Variants in PLEKHA5 observed in about 807,000 individuals in gnomAD.
PLEKHA5 encodes pleckstrin homology domain-containing family A member 5.
A neutral mutation model predicts 181.9 loss-of-function variants in PLEKHA5; 55 were observed. The ratio of observed to expected loss-of-function variants is 0.30; its 90% CI spans 0.24 to 0.38. The LOEUF is 0.38. Among genes scored for constraint, PLEKHA5 ranks in the 10% least tolerant of loss-of-function variants. The probability of loss-of-function intolerance (pLI) is 1.00; values close to 1 mark genes in which losing one functional copy is unlikely to be tolerated. For synonymous variants in PLEKHA5, 535 were observed against 529.4 expected (o/e 1.01, Z -0.15); for missense variants, 1,432 against 1,549.5 (o/e 0.92, Z 1.27).
chr12:19,147,581 T>C (rs2039239264), intron 3 of PLEKHA5, among the ~76,000 whole-genome samples: 1 of 137,936 alleles, frequency 7.2e-6, no homozygotes, highest in African/African-American at 2.7e-5. Flanking sequence ...AAAGATATTT[T>C]GTAGTTTCTT....
At chr12:19,329,463 G>T (rs1455914660) in intron 20 of PLEKHA5, among the ~76,000 whole-genome samples, 13 of 152,032 alleles carry the variant, frequency 8.6e-5, no homozygotes, top group African/African-American at 2.4e-4. Context: ...CATCTGATCC[G>T]TGCCTTTTTT....
intron 3 of PLEKHA5, among the ~76,000 whole-genome samples, chr12:19,197,671 C>T (rs1400146793): frequency 2.5e-5 from 3 of 120,864 alleles, no homozygotes; most frequent in Admixed American, 8.8e-5. Context: ...AGAGTCTATC[C>T]GGTGCTGTGT....
At chr12:19,340,496 T>G in intron 21 of PLEKHA5, among the ~76,000 whole-genome samples, 1 of 145,826 alleles carries the variant, frequency 6.9e-6, no homozygotes, top group Non-Finnish European at 1.5e-5. Flanking sequence ...CAATGGCGGT[T>G]TTGTGGAATA....
At chr12:19,352,985 A>C (rs2094691378) in intron 25 of PLEKHA5, among the ~76,000 whole-genome samples, 1 of 142,954 alleles carries the variant, frequency 7.0e-6, no homozygotes, top group Non-Finnish European at 1.5e-5. Context: ...ACAGGGTCTC[A>C]CTATATTACC....
chr12:19,200,575 C>A, intron 3 of PLEKHA5: 1 of 1,222,516 alleles, frequency 8.2e-7, no homozygotes, highest in Non-Finnish European at 1.0e-6. Context: ...GTAGATCATA[C>A]CTTGGAGAAG....
chr12:19,297,908 A>G (rs1443970366), intron 15 of PLEKHA5, among the ~76,000 whole-genome samples: 1 of 152,038 alleles, frequency 6.6e-6, no homozygotes, highest in Non-Finnish European at 1.5e-5. Context: ...GGAGGAGGGT[A>G]AGAAAATCTT....
rs765630231 is a variant in PLEKHA5, at chr12:19,297,323, TA to T, written c.2037+5639del. Among the ~76,000 whole-genome samples the T allele has an allele frequency of 7.7e-3, 1,094 of 141,720 alleles. 2 individuals are homozygous for T. Among genetic ancestry groups the T allele is most frequent in the African/African-American group, 0.017 (685 of 39,362 alleles). The allele number at this position is 141,720 out of a possible 152,430, so 93.0% of individuals were successfully genotyped here. A position where few individuals can be genotyped will look rare whatever the true frequency, so the allele number is the denominator to read the frequency against. ...ACAAATCAGTTTGCCATAGTACAGT[TA>T]AAAAAAAAAAAATACAGGCCGGGCG... On this transcript the variant is annotated intron_variant, in intron 15 of 31. Coordinates refer to ENST00000429027, the MANE Select transcript of PLEKHA5 (RefSeq NM_001256470.2).
chr12:19,218,048 C>T (rs2058282725), intron 3 of PLEKHA5, among the ~76,000 whole-genome samples: 1 of 152,092 alleles, frequency 6.6e-6, no homozygotes, highest in Non-Finnish European at 1.5e-5. Flanking sequence ...ATCTTGGGGG[C>T]TGGCTACCAC....
At position 19,361,064 on chromosome 12, in the gene PLEKHA5, T is replaced by A. The variant is rs117985408; in HGVS notation, c.3484-518T>A. 9.1e-3 allele frequency among the ~76,000 whole-genome samples: 1,385 copies of A among 151,516 alleles called. 7 individuals are homozygous for A. Among genetic ancestry groups the A allele is most frequent in the Non-Finnish European group, 0.015 (1,010 of 67,870 alleles). The stretch of plus-strand genomic sequence containing the variant: ...GCCACTGTGCCCGGCCTGCATCATC[T>A]CTTTAGACAAATAACTTTTTGCATC... On this transcript the variant is annotated intron_variant, in intron 28 of 31. Transcript: ENST00000429027.
intron 3 of PLEKHA5, among the ~76,000 whole-genome samples, chr12:19,240,999 A>G (rs1417145196): frequency 1.3e-5 from 2 of 152,156 alleles, no homozygotes; most frequent in African/African-American, 4.8e-5. Context: ...TCCATATATC[A>G]TTCAACAGTA....
chr12:19,165,095 C>T (rs928750234), intron 3 of PLEKHA5, among the ~76,000 whole-genome samples: 1 of 152,162 alleles, frequency 6.6e-6, no homozygotes, highest in African/African-American at 2.4e-5. Flanking sequence ...ACCCCAGTCT[C>T]TGGGACACTC....
intron 3 of PLEKHA5, among the ~76,000 whole-genome samples, chr12:19,250,139 T>A (rs2064880102): frequency 6.6e-6 from 1 of 152,190 alleles, no homozygotes; most frequent in African/African-American, 2.4e-5. Context: ...GAGAACCACT[T>A]GTCTAGACCT....
At chr12:19,275,398 G>A (rs1483617536) in intron 11 of PLEKHA5, among the ~76,000 whole-genome samples, 1 of 152,148 alleles carries the variant, frequency 6.6e-6, no homozygotes, top group African/African-American at 2.4e-5. Context: ...GTAATATGGA[G>A]GCAGCAAAGG....
At chr12:19,199,833 A>G (rs1412136696) in intron 3 of PLEKHA5, among the ~76,000 whole-genome samples, 1 of 152,146 alleles carries the variant, frequency 6.6e-6, no homozygotes, top group Non-Finnish European at 1.5e-5. Context: ...GAATGAAATC[A>G]TGTCTTTTGC....
intron 15 of PLEKHA5, among the ~76,000 whole-genome samples, chr12:19,299,307 A>AT (rs1039766328): frequency 3.9e-5 from 6 of 152,086 alleles, no homozygotes; most frequent in South Asian, 2.1e-4. Context: ...GTCTGAACAG[A>AT]TTTTTTTTAG....
At chr12:19,207,506 A>G (rs1327051608) in intron 3 of PLEKHA5, 2 of 152,158 alleles carry the variant, frequency 1.3e-5, no homozygotes, top group Non-Finnish European at 2.9e-5. Context: ...TCTACCCATT[A>G]AGGAACACTT....
At chr12:19,338,762 T>A in intron 21 of PLEKHA5, among the ~76,000 whole-genome samples, 1 of 151,510 alleles carries the variant, frequency 6.6e-6, no homozygotes, top group Non-Finnish European at 1.5e-5. Context: ...CAGGCACCTG[T>A]AATCCCAGCT....
At chr12:19,373,268 C>G (rs2153344499) in intron 31 of PLEKHA5, 1 of 152,268 alleles carries the variant, frequency 6.6e-6, no homozygotes, top group South Asian at 2.1e-4. Flanking sequence ...GTAATCCCAG[C>G]TACCTGGGAG....
In PLEKHA5 at chr12:19,333,159, C is replaced by T. The variant is rs1242275486; in HGVS notation, c.2449-3356C>T. Among the ~76,000 whole-genome samples the T allele has an allele frequency of 3.3e-5, 5 of 152,086 alleles. No individual in the cohort carries two copies. In the East Asian group the frequency reaches 9.7e-4, roughly 29 times the overall value. ...AATTAGCCGGACATGGTGGCGCATGCCTGTAATCCCAACTACTCGGGAGCC... is the reference window on the plus strand; with the variant it reads ...AATTAGCCGGACATGGTGGCGCATGTCTGTAATCCCAACTACTCGGGAGCC... On this transcript the variant is annotated intron_variant, in intron 20 of 31. Coordinates refer to ENST00000429027, the MANE Select transcript of PLEKHA5 (RefSeq NM_001256470.2).
Sources: gnomAD v4.1 joint callset for allele counts (sites outside exome capture counted in the v4.1 genomes callset) on GRCh38, gnomAD v4.1.1 for gene constraint, MANE v1.5 for transcripts, NCBI Gene and HGNC (gene_info 2026-07-23, HGNC 2026-07-21) for gene names.